The following WRN variants were observed in gnomAD, a reference collection of about 807,000 sequenced individuals.
WRN encodes the protein bifunctional 3'-5' exonuclease/ATP-dependent helicase WRN.
Under a neutral mutation model 180.7 loss-of-function variants are expected in WRN, and 149 were observed. The ratio of observed to expected loss-of-function variants is 0.82; its 90% CI spans 0.72 to 0.94. The LOEUF is 0.94. WRN is among the 40% of genes least tolerant of loss of function. The pLI is 0.00. For synonymous variants in WRN, 548 were observed against 568.9 expected, an observed-to-expected ratio of 0.96 and a Z score of 0.52; for missense variants, 1,661 against 1,700.1, an observed-to-expected ratio of 0.98 and a Z score of 0.40.
chr8:31,166,720 T>G (rs1250815739), intron 33 of WRN, among the ~76,000 whole-genome samples: 1 of 152,130 alleles, frequency 6.6e-6, no homozygotes, highest in Non-Finnish European at 1.5e-5. Flanking sequence ...TTAGAACAAT[T>G]CCACGAATGG....
intron 18 of WRN, among the ~76,000 whole-genome samples, chr8:31,104,681 G>GT (rs1384483638): frequency 6.6e-6 from 1 of 152,100 alleles, no homozygotes; most frequent in African/African-American, 2.4e-5. Flanking sequence ...TTTGTATAAG[G>GT]TGTGAGGTTT....
intron 8 of WRN, among the ~76,000 whole-genome samples, chr8:31,076,978 C>G (rs755601493): frequency 3.3e-5 from 5 of 152,106 alleles, no homozygotes; most frequent in Admixed American, 6.5e-5. Flanking sequence ...CAGGAATGCT[C>G]TGGAACAATG....
chr8:31,120,329 G>A lies in WRN; in HGVS notation c.2535G>A (p.Met845Ile). 1 of 1,612,960 alleles carries A rather than the reference G, an allele frequency of 6.2e-7. No homozygotes were observed. Among genetic ancestry groups the A allele is most frequent in the Non-Finnish European group, 8.5e-7 (1 of 1,179,180 alleles). The change falls in exon 21 of 35, where the codon ATG (methionine) becomes ATA (isoleucine). Residue 845 changes from methionine (M) to isoleucine (I), a missense_variant. Met to Ile is a conservative substitution (Grantham distance 10). Transcript: ENST00000298139. Reference protein sequence around the residue: ...QVIHYGAPKDMESYYQEIGRA... With the variant: ...QVIHYGAPKDIESYYQEIGRA... ...TTCATTACGGTGCTCCTAAGGACAT[G>A]GAATCATATTATCAGGAGATTGGTA...
intron 16 of WRN, among the ~76,000 whole-genome samples, chr8:31,095,482 A>C (rs1473788012): frequency 6.6e-6 from 1 of 152,180 alleles, no homozygotes; most frequent in Non-Finnish European, 1.5e-5. Flanking sequence ...CCAAGGTCAC[A>C]AAGATTTGCT....
rs1801519673 is a variant in WRN, at chr8:31,116,393, T to G, written c.2313T>G (p.Cys771Trp). ...TTGAAGGTCCAACAATCATCTACTG[T>G]CCTTCTAGAAAAATGACACAACAAG... Reference protein sequence around the residue: ...WEFEGPTIIYCPSRKMTQQVT... With the variant: ...WEFEGPTIIYWPSRKMTQQVT... The change falls in exon 20 of 35, where the codon TGT becomes TGG. Residue 771 changes from cysteine to tryptophan, a missense_variant. Coordinates refer to ENST00000298139, the MANE Select transcript of WRN (RefSeq NM_000553.6). 1.2e-6 allele frequency: 2 copies of G among 1,613,898 alleles called. No homozygotes were observed. The highest frequency in any genetic ancestry group is 2.7e-5 in the African/African-American group (2 of 74,934).
At chr8:31,126,627 A>G (rs1801940874) in intron 23 of WRN, among the ~76,000 whole-genome samples, 1 of 152,222 alleles carries the variant, frequency 6.6e-6, no homozygotes, top group Non-Finnish European at 1.5e-5. Context: ...TAAGGAAATA[A>G]CAAAGAACAT....
chr8:31,061,453 GT>G (rs954840283), intron 3 of WRN, among the ~76,000 whole-genome samples: 18 of 146,826 alleles, frequency 1.2e-4, no homozygotes, highest in African/African-American at 2.8e-4. Context: ...TTATTCTAGG[GT>G]TTTTTTCTTT....
intron 1 of WRN, among the ~76,000 whole-genome samples, chr8:31,049,489 G>C (rs140322865): frequency 1.3e-5 from 2 of 149,072 alleles, no homozygotes; most frequent in Non-Finnish European, 3.0e-5. Flanking sequence ...CTGTGACTGA[G>C]CAACAGAGCT....
chr8:31,089,120 A>G (rs984947621), intron 13 of WRN, among the ~76,000 whole-genome samples, 155 bp downstream of exon 13: 6 of 152,126 alleles, frequency 3.9e-5, no homozygotes, highest in Non-Finnish European at 8.8e-5. Flanking sequence ...AAATTATTTC[A>G]AAGTGATATT....
At chr8:31,167,286 C>T (rs2130515849) in intron 34 of WRN, 56 bp downstream of exon 34, 2 of 1,417,410 alleles carry the variant, frequency 1.4e-6, no homozygotes, top group East Asian at 4.9e-5. Flanking sequence ...TTTGCATATC[C>T]TAGTACTAGA....
chr8:31,039,562 C>T lies in WRN; in HGVS notation c.-77+5589C>T, dbSNP rs890566162. Among the ~76,000 whole-genome samples, 6 of 152,148 alleles carry T rather than the reference C, an allele frequency of 3.9e-5. No individual in the cohort carries two copies. In the East Asian group the frequency reaches 1.2e-3, roughly 29 times the overall value. Reference sequence around the variant, plus strand: ...TTTATTTCTTTTCCATGTCTAATTTCTCTGGCTAGAACTTTCAATATGATG... The same window carrying T: ...TTTATTTCTTTTCCATGTCTAATTTTTCTGGCTAGAACTTTCAATATGATG... On this transcript the variant is annotated intron_variant, in intron 1 of 34. Transcript: ENST00000298139.
At chr8:31,140,003 G>GTTTTTTTTTTTTTTTTTTTTTTTTTTTT (rs71539917) in intron 24 of WRN, among the ~76,000 whole-genome samples, 1 of 62,086 alleles carries the variant, frequency 1.6e-5, no homozygotes, top group East Asian at 5.9e-4. Context: ...ATACTTCTTT[G>GTTTTTTTTTTTTTTTTTTTTTTTTTTTT]TTTTTTTTTT....
At chr8:31,138,805 A>AT (rs1802495994) in intron 24 of WRN, among the ~76,000 whole-genome samples, 2 of 152,166 alleles carry the variant, frequency 1.3e-5, no homozygotes, top group South Asian at 4.1e-4. Context: ...TCTCTTAACT[A>AT]TACCTATCAG....
intron 7 of WRN, among the ~76,000 whole-genome samples, chr8:31,074,303 G>C (rs576130569): frequency 3.7e-4 from 56 of 152,204 alleles, no homozygotes; most frequent in African/African-American, 1.3e-3. Context: ...GGGAGGAAAT[G>C]GGAGCAGAAA....
At position 31,170,499 on chromosome 8, in the gene WRN, G is replaced by A. The variant is rs114996594; in HGVS notation, c.4192-2496G>A. On this transcript the variant is annotated intron_variant, in intron 34 of 34. Coordinates refer to ENST00000298139, the MANE Select transcript of WRN (RefSeq NM_000553.6). ...ATAGTTTTCATGACAAATGTATCAG[G>A]CTCGGTAACTAAATATATGGATTGA... is the stretch of plus-strand genomic sequence containing the variant. Among the ~76,000 whole-genome samples, 409 of 152,180 alleles carry A rather than the reference G, an allele frequency of 2.7e-3. 2 individuals carry two copies. The highest frequency in any genetic ancestry group is 9.0e-3 in the African/African-American group (373 of 41,530).
At chr8:31,067,262 A>G (rs919269017) in intron 6 of WRN, 80 bp downstream of exon 6, 6 of 1,498,292 alleles carry the variant, frequency 4.0e-6, no homozygotes, top group Non-Finnish European at 5.5e-6. Flanking sequence ...ATTTTATTAT[A>G]GTAGTGGCAG....
rs552659656 is a variant in WRN, at chr8:31,087,925, G to A, written c.1576+5G>A. On this transcript the variant is annotated splice_donor_5th_base_variant and intron_variant, in intron 12 of 34. Coordinates refer to ENST00000298139, the MANE Select transcript of WRN (RefSeq NM_000553.6). ...GGGAAGAAGATGATGATAAGGGTAA[G>A]CACTGAAGTATGTTTGAAATGACTC... 5 of 1,612,158 alleles carry A rather than the reference G, an allele frequency of 3.1e-6. No individual in the cohort carries two copies. The African/African-American group carries it at 5.3e-5, about 17-fold the overall frequency.
At chr8:31,143,646 G>A (rs1802749848) in intron 28 of WRN, 23 bp downstream of exon 28, 1 of 1,512,336 alleles carries the variant, frequency 6.6e-7, no homozygotes. Flanking sequence ...ATATTTCTAT[G>A]TTCTATACTT....
intron 28 of WRN, among the ~76,000 whole-genome samples, chr8:31,144,416 A>G (rs1046424110): frequency 3.3e-5 from 5 of 151,586 alleles, no homozygotes; most frequent in African/African-American, 9.7e-5. Flanking sequence ...GCTCACTGCA[A>G]TCTTCGCCTC....
Sources: gnomAD v4.1 joint callset for allele counts (sites outside exome capture counted in the v4.1 genomes callset) on GRCh38, gnomAD v4.1.1 for gene constraint, MANE v1.5 for transcripts, NCBI Gene and HGNC (gene_info 2026-07-23, HGNC 2026-07-21) for gene names.